The following IQSEC2 variants were observed in gnomAD, a reference collection of about 807,000 sequenced individuals.
IQSEC2 encodes IQ motif and SEC7 domain-containing protein 2.
A neutral mutation model predicts 74.6 loss-of-function variants in IQSEC2; 6 were observed. The ratio of observed to expected loss-of-function variants is 0.08; its 90% CI spans 0.04 to 0.16. The LOEUF (loss-of-function observed/expected upper bound fraction) is 0.16. Ranked by LOEUF, IQSEC2 falls within the 10% of genes least tolerant of loss-of-function variation. The pLI, the probability that IQSEC2 is intolerant of heterozygous loss-of-function variation, is 1.00. For synonymous variants in IQSEC2, 494 were observed against 544.5 expected (o/e 0.91, Z 1.29); for missense variants, 734 against 1,306.2 (o/e 0.56, Z 6.75).
At chrX:53,243,179 A>G (rs1279665441) in intron 9 of IQSEC2, among the ~76,000 whole-genome samples, 153 bp downstream of exon 9, 3 of 111,818 alleles carry the variant, frequency 2.7e-5, no homozygotes, top group African/African-American at 9.8e-5. Flanking sequence ...CGATGCATTC[A>G]CTCTGCACCA....
rs797044752 is a variant in IQSEC2, at chrX:53,250,865, C to T, written c.1711G>A (p.Gly571Ser). ...AAGCACCCGGGACCCCTGCGAGTGC[C>T]TTCCTCACGGCTACCGTCTTCCCGG... is the stretch of plus-strand genomic sequence containing the variant. ...GTREDGSREE[G>S]TRRGPGCLEC... is the part of the protein sequence containing the mutation. The change falls in exon 5 of 15, where the codon GGC becomes AGC. Residue 571 changes from glycine to serine, a missense_variant. Transcript: ENST00000642864. The T allele has an allele frequency of 5.5e-5, 66 of 1,209,208 alleles. No individual in the cohort carries two copies. Among genetic ancestry groups the T allele is most frequent in the Non-Finnish European group, 7.0e-5 (63 of 894,106 alleles).
intron 2 of IQSEC2, among the ~76,000 whole-genome samples, chrX:53,278,753 C>G (rs1232859001): frequency 1.8e-5 from 2 of 112,621 alleles, no homozygotes; most frequent in Non-Finnish European, 3.8e-5. Context: ...CTCTTATTTC[C>G]TCTTTAACAC....
chrX:53,316,673 G>A (rs1467086174), intron 1 of IQSEC2, among the ~76,000 whole-genome samples: 2 of 110,365 alleles, frequency 1.8e-5, no homozygotes, highest in East Asian at 2.9e-4. Context: ...AGAATTGGGC[G>A]GATAGCAACT....
At chrX:53,273,058 G>C (rs1245018614) in intron 2 of IQSEC2, among the ~76,000 whole-genome samples, 1 of 110,772 alleles carries the variant, frequency 9.0e-6, no homozygotes, top group African/African-American at 3.3e-5. Context: ...TAAATGACTT[G>C]CCCAGAGTCA....
At chrX:53,278,003 C>CTTTTTTTTTTTTTT (rs36027805) in intron 2 of IQSEC2, among the ~76,000 whole-genome samples, 4 of 37,573 alleles carry the variant, frequency 1.1e-4, no homozygotes, top group Non-Finnish European at 1.3e-4. Flanking sequence ...TTTTCTTTTT[C>CTTTTTTTTTTTTTT]TTTTTTTTTT....
intron 1 of IQSEC2, among the ~76,000 whole-genome samples, chrX:53,299,414 G>A (rs1453902542): frequency 1.8e-5 from 2 of 111,248 alleles, no homozygotes; most frequent in South Asian, 7.6e-4. Context: ...TCCAAATGTC[G>A]GCTTTTGGAG....
chrX:53,268,109 G>A (rs977468609), intron 2 of IQSEC2, among the ~76,000 whole-genome samples: 28 of 111,362 alleles, frequency 2.5e-4, no homozygotes, highest in African/African-American at 8.8e-4. Flanking sequence ...ACAGACAGTT[G>A]GGCTGGGAGG....
At chrX:53,264,554 GA>G (rs1394156354) in intron 2 of IQSEC2, among the ~76,000 whole-genome samples, 2 of 107,626 alleles carry the variant, frequency 1.9e-5, no homozygotes, top group African/African-American at 6.8e-5. Context: ...CTGGAGAGCA[GA>G]ATAAACAGAG....
chrX:53,302,329 C>T (rs186347083), intron 1 of IQSEC2, among the ~76,000 whole-genome samples: 1 of 112,575 alleles, frequency 8.9e-6, no homozygotes. Flanking sequence ...GACATCCATA[C>T]ACTAGAATCT....
chrX:53,291,949 A>C (rs1569328205), intron 1 of IQSEC2, 25 bp from the exon 2 acceptor site: 11 of 1,161,518 alleles, frequency 9.5e-6, no homozygotes, highest in Non-Finnish European at 1.3e-5. Flanking sequence ...GAGAAAAAAA[A>C]CCAAAACGGT....
intron 2 of IQSEC2, among the ~76,000 whole-genome samples, chrX:53,284,487 G>A (rs1424886554): frequency 9.1e-6 from 1 of 110,465 alleles, no homozygotes; most frequent in Non-Finnish European, 1.9e-5. Context: ...CTGTTGTCCC[G>A]CTGTGCCCCC....
At chrX:53,254,246 C>T (rs2074431407) in intron 4 of IQSEC2, among the ~76,000 whole-genome samples, 1 of 107,186 alleles carries the variant, frequency 9.3e-6, no homozygotes, top group Admixed American at 1.0e-4. Flanking sequence ...AGGAGAATCA[C>T]TTGAACCCAG....
intron 2 of IQSEC2, among the ~76,000 whole-genome samples, chrX:53,285,462 T>A (rs2075016430): frequency 1.8e-5 from 2 of 112,599 alleles, no homozygotes; most frequent in African/African-American, 6.5e-5. Flanking sequence ...TCTCTAGGTT[T>A]CAGTTTCCCC....
intron 4 of IQSEC2, among the ~76,000 whole-genome samples, chrX:53,252,123 C>T (rs991937411): frequency 4.5e-5 from 5 of 112,184 alleles, no homozygotes; most frequent in African/African-American, 1.6e-4. Flanking sequence ...TGCAGTGGCA[C>T]GATCTCACCT....
In IQSEC2 at chrX:53,235,116, C is replaced by T; in HGVS notation, c.3570G>A (p.Glu1190=). 1.0e-6 allele frequency: 1 copy of T among 976,547 alleles called. No individual in the cohort carries two copies. The highest frequency in any genetic ancestry group is 1.3e-6 in the Non-Finnish European group (1 of 745,558). 80.5% of individuals were successfully genotyped at this position (976,547 alleles called of 1,213,427 possible). Residue 1190 remains glutamate (E), a synonymous_variant, in exon 15 of 15, where the codon GAG becomes GAA. Coordinates refer to ENST00000642864, the MANE Select transcript of IQSEC2 (RefSeq NM_001111125.3). The part of the protein sequence containing the change: ...MPPPPPPPPP[E]EYKSQRPVSN... ...AGACGGGCCTCTGGCTCTTGTACTC[C>T]TCTGGCGGCGGGGGTGGGGGCGGAG...
intron 1 of IQSEC2, among the ~76,000 whole-genome samples, chrX:53,300,247 G>A (rs2146462151): frequency 9.0e-6 from 1 of 111,292 alleles, no homozygotes; most frequent in Non-Finnish European, 1.9e-5. Flanking sequence ...ATATTTTAAT[G>A]AGATTTGGGA....
chrX:53,239,348 C>T, intron 10 of IQSEC2, 54 bp from the exon 11 acceptor site: 1 of 734,328 alleles, frequency 1.4e-6, no homozygotes, highest in Non-Finnish European at 2.1e-6. Context: ...GGGGGATTTC[C>T]ACGTGGCACC....
At chrX:53,247,712 A>T (rs1220756110) in intron 7 of IQSEC2, among the ~76,000 whole-genome samples, 1 of 112,252 alleles carries the variant, frequency 8.9e-6, no homozygotes, top group Non-Finnish European at 1.9e-5. Flanking sequence ...TATTCACTGT[A>T]TGAGCCTGGG....
chrX:53,307,117 T>G (rs1313643751), intron 1 of IQSEC2, among the ~76,000 whole-genome samples: 1 of 109,719 alleles, frequency 9.1e-6, no homozygotes, highest in Admixed American at 9.8e-5. Context: ...CCTAGTGGCA[T>G]GTTGGTGCCC....
Sources: allele counts gnomAD v4.1 joint callset (sites outside exome capture counted in the v4.1 genomes callset), GRCh38; gene constraint gnomAD v4.1.1; transcripts MANE v1.5; gene names NCBI Gene and HGNC (gene_info 2026-07-23, HGNC 2026-07-21).